Variants in DLGAP1 observed in about 807,000 individuals in gnomAD.
The protein encoded by DLGAP1 is disks large-associated protein 1.
Under a neutral mutation model 90.8 loss-of-function variants are expected in DLGAP1, and 11 were observed. The observed-to-expected ratio is 0.12, with a 90% CI of 0.08 to 0.20. The LOEUF (loss-of-function observed/expected upper bound fraction) is 0.20, where lower values mean the gene tolerates loss of function less well. DLGAP1 is among the 10% of genes least tolerant of loss of function. DLGAP1 has a pLI of 1.00. For synonymous variants in DLGAP1, 558 were observed against 540.7 expected, an observed-to-expected ratio of 1.03 and a Z score of -0.44; for missense variants, 1,050 against 1,333.8, an observed-to-expected ratio of 0.79 and a Z score of 3.31.
intron 7 of DLGAP1, among the ~76,000 whole-genome samples, chr18:3,682,080 T>C (rs1241477770): frequency 6.8e-6 from 1 of 147,672 alleles, no homozygotes; most frequent in Non-Finnish European, 1.5e-5. Context: ...ATTGCACCAC[T>C]GCACTCCAGC....
chr18:3,582,325 G>A, intron 7 of DLGAP1, 77 bp from the exon 8 acceptor site: 5 of 1,539,598 alleles, frequency 3.2e-6, no homozygotes, highest in Non-Finnish European at 4.4e-6. Context: ...GACAGCCATT[G>A]GGAATTAGGG....
chr18:3,864,687 C>T (rs2070280309), intron 4 of DLGAP1, among the ~76,000 whole-genome samples: 2 of 152,054 alleles, frequency 1.3e-5, no homozygotes, highest in Non-Finnish European at 2.9e-5. Context: ...GATAGACTTC[C>T]GAAGTCTTAC....
At chr18:3,511,772 T>G (rs1568103936) in intron 10 of DLGAP1, among the ~76,000 whole-genome samples, 1 of 152,162 alleles carries the variant, frequency 6.6e-6, no homozygotes, top group Non-Finnish European at 1.5e-5. Context: ...TCCTATGAAA[T>G]GAAGCCCTAC....
intron 2 of DLGAP1, among the ~76,000 whole-genome samples, chr18:4,083,825 C>T (rs898943875): frequency 1.3e-5 from 2 of 152,042 alleles, no homozygotes; most frequent in African/African-American, 4.8e-5. Context: ...CTCCCGAGGC[C>T]CCAGTAGGCA....
intron 1 of DLGAP1, among the ~76,000 whole-genome samples, chr18:4,337,207 T>G (rs1025060841): frequency 1.3e-5 from 2 of 149,180 alleles, no homozygotes; most frequent in Non-Finnish European, 3.0e-5. Flanking sequence ...TTTTTTTTTT[T>G]TTTTGAGATG....
chr18:3,897,689 A>G (rs1056923426), intron 3 of DLGAP1, among the ~76,000 whole-genome samples: 1 of 152,198 alleles, frequency 6.6e-6, no homozygotes, highest in African/African-American at 2.4e-5. Context: ...TTATTTATCA[A>G]AGAGGAAGTA....
chr18:4,179,839 C>T (rs368241430), intron 1 of DLGAP1, among the ~76,000 whole-genome samples: 6 of 152,314 alleles, frequency 3.9e-5, no homozygotes, highest in East Asian at 1.9e-4. Context: ...CATTAAATCT[C>T]GGCTGCGTCC....
At chr18:4,027,465 C>G (rs964630439) in intron 2 of DLGAP1, among the ~76,000 whole-genome samples, 2 of 119,738 alleles carry the variant, frequency 1.7e-5, no homozygotes, top group Admixed American at 1.2e-4. Flanking sequence ...AAGATTGCCA[C>G]TGCACTCCAG....
chr18:3,550,460 A>C (rs2053323881), intron 9 of DLGAP1, among the ~76,000 whole-genome samples: 1 of 152,114 alleles, frequency 6.6e-6, no homozygotes, highest in African/African-American at 2.4e-5. Context: ...TCCTAGACTC[A>C]AGCAATCATC....
chr18:4,247,396 G>A (rs996265350), intron 1 of DLGAP1, among the ~76,000 whole-genome samples: 1 of 152,102 alleles, frequency 6.6e-6, no homozygotes, highest in African/African-American at 2.4e-5. Flanking sequence ...GAACCCATGC[G>A]GCCTTGGCTT....
intron 8 of DLGAP1, among the ~76,000 whole-genome samples, chr18:3,571,801 C>T (rs2054807946): frequency 6.6e-6 from 1 of 152,186 alleles, no homozygotes; most frequent in African/African-American, 2.4e-5. Context: ...GCTGGGATTA[C>T]AGGCGTGAGC....
rs1279057772 is a variant in DLGAP1, at chr18:3,994,741, A to G, written c.-73+10375T>C. Among the ~76,000 whole-genome samples the G allele has an allele frequency of 4.6e-5, 7 of 152,226 alleles. No individual in the cohort carries two copies. In the South Asian group the frequency reaches 1.2e-3, roughly 27 times the overall value. ...AAAATGACCAGAACCACCTGCTGCTAAATTATAAAGTCCAAAAAGACTTCA... is the reference window on the plus strand; with the variant it reads ...AAAATGACCAGAACCACCTGCTGCTGAATTATAAAGTCCAAAAAGACTTCA... On this transcript the variant is annotated intron_variant, in intron 3 of 12. Coordinates refer to ENST00000315677, the MANE Select transcript of DLGAP1 (RefSeq NM_004746.4).
intron 5 of DLGAP1, among the ~76,000 whole-genome samples, chr18:3,753,640 T>C (rs2063592339): frequency 6.6e-6 from 1 of 152,178 alleles, no homozygotes; most frequent in South Asian, 2.1e-4. Flanking sequence ...AGGAGCTCCA[T>C]CGCTCACCTG....
At chr18:3,505,097 C>A (rs2050142337) in intron 11 of DLGAP1, among the ~76,000 whole-genome samples, 1 of 152,220 alleles carries the variant, frequency 6.6e-6, no homozygotes, top group Non-Finnish European at 1.5e-5. Flanking sequence ...GGGTCTGGTT[C>A]TGACCAATCA....
At chr18:4,074,607 CT>C (rs1266667853) in intron 2 of DLGAP1, among the ~76,000 whole-genome samples, 2 of 152,032 alleles carry the variant, frequency 1.3e-5, no homozygotes, top group Non-Finnish European at 2.9e-5. Flanking sequence ...TGCCAACTGC[CT>C]TTTCTACCCA....
intron 10 of DLGAP1, among the ~76,000 whole-genome samples, chr18:3,528,352 A>T (rs988091025): frequency 6.6e-6 from 1 of 152,208 alleles, no homozygotes; most frequent in Non-Finnish European, 1.5e-5. Context: ...CTCTTACAAA[A>T]AAAGAAAAGG....
chr18:4,252,161 C>T (rs1334278541), intron 1 of DLGAP1, among the ~76,000 whole-genome samples: 1 of 152,160 alleles, frequency 6.6e-6, no homozygotes, highest in African/African-American at 2.4e-5. Context: ...AGAGGCAACA[C>T]CTTCATGGAG....
chr18:3,555,249 C>T (rs2053684003), intron 9 of DLGAP1, among the ~76,000 whole-genome samples: 2 of 152,072 alleles, frequency 1.3e-5, no homozygotes, highest in Admixed American at 1.3e-4. Flanking sequence ...AATTTCAATG[C>T]TTATTTACTT....
At chr18:4,117,037 A>T (rs2076073887) in intron 2 of DLGAP1, among the ~76,000 whole-genome samples, 1 of 152,240 alleles carries the variant, frequency 6.6e-6, no homozygotes, top group Non-Finnish European at 1.5e-5. Flanking sequence ...AAATGAGGTC[A>T]TATGAGTGGG....
Sources: gnomAD v4.1 joint callset for allele counts (sites outside exome capture counted in the v4.1 genomes callset) on GRCh38, gnomAD v4.1.1 for gene constraint, MANE v1.5 for transcripts, NCBI Gene and HGNC (gene_info 2026-07-23, HGNC 2026-07-21) for gene names.